LYAR: variants seen among roughly 807,000 people sequenced by gnomAD.
LYAR encodes cell growth-regulating nucleolar protein.
In LYAR, 37 loss-of-function variants were observed where a neutral mutation model predicts 45.2. That is an observed-to-expected ratio of 0.82 (90% CI 0.63 to 1.08). LYAR has a LOEUF of 1.08. Ranked by LOEUF, LYAR falls within the 50% of genes least tolerant of loss-of-function variation. The pLI is 0.00. For synonymous variants in LYAR, 176 were observed against 155.1 expected (o/e 1.14, Z -1.00); for missense variants, 493 against 451.0 (o/e 1.09, Z -0.84).
At chr4:4,272,989 G>A (rs1241405270) in intron 8 of LYAR, among the ~76,000 whole-genome samples, 5 of 152,150 alleles carry the variant, frequency 3.3e-5, no homozygotes, top group East Asian at 3.9e-4. Context: ...CAGAGGGCCC[G>A]TGAAGGCCAG....
At position 4,279,467 on chromosome 4, in the gene LYAR, A is replaced by C. The variant is rs146037788; in HGVS notation, c.409T>G (p.Phe137Val). The change falls in exon 6 of 10, where the codon TTT (phenylalanine) becomes GTT (valine). Residue 137 changes from phenylalanine to valine, a missense_variant. Phe to Val is a conservative substitution (Grantham distance 50). Coordinates refer to ENST00000343470, the MANE Select transcript of LYAR (RefSeq NM_017816.3). ...CTTACGCTGTTGGAAGCTTCAGAAA[A>C]GATATTCCACACCTGGTCCAGAATG... ...ESILDQVWNIFSEASNSEPVN... is the reference protein window; with the variant it reads ...ESILDQVWNIVSEASNSEPVN... 5.6e-6 allele frequency: 9 copies of C among 1,612,156 alleles called. No individual in the cohort carries two copies. The African/African-American group carries it at 9.3e-5, about 17-fold the overall frequency.
chr4:4,275,267 A>T (rs1719131517), intron 6 of LYAR, among the ~76,000 whole-genome samples: 1 of 152,250 alleles, frequency 6.6e-6, no homozygotes, highest in African/African-American at 2.4e-5. Flanking sequence ...CGGACGGATG[A>T]AACGAGGAAA....
intron 8 of LYAR, among the ~76,000 whole-genome samples, chr4:4,269,468 C>T (rs1026450597): frequency 3.9e-5 from 6 of 152,172 alleles, no homozygotes; most frequent in Non-Finnish European, 5.9e-5. Flanking sequence ...CACAGAAGGC[C>T]AAGCAGGAAT....
chr4:4,279,797 T>C, intron 4 of LYAR, 48 bp from the exon 5 acceptor site: 1 of 1,239,918 alleles, frequency 8.1e-7, no homozygotes, highest in East Asian at 2.3e-5. Flanking sequence ...ACAACCAACA[T>C]GAGTTTCATG....
In LYAR at chr4:4,278,514, C is replaced by T. The variant is rs915359660; in HGVS notation, c.429+933G>A. 7.2e-5 allele frequency among the ~76,000 whole-genome samples: 11 copies of T among 152,282 alleles called. No individual in the cohort carries two copies. The East Asian group carries it at 7.7e-4, about 11-fold the overall frequency. ...AATTCTCCTTCTACCAGAAGGAAGG[C>T]GCTTCAAGCACACTGCTCATCTACC... On this transcript the variant is annotated intron_variant, in intron 6 of 9. Coordinates refer to ENST00000343470, the MANE Select transcript of LYAR (RefSeq NM_017816.3).
chr4:4,270,026 C>T (rs1001622098), intron 8 of LYAR, among the ~76,000 whole-genome samples: 1 of 151,936 alleles, frequency 6.6e-6, no homozygotes, highest in African/African-American at 2.4e-5. Context: ...CAAGACAGGC[C>T]TGGGCAACAC....
At chr4:4,274,182 A>G (rs1481036319) in intron 7 of LYAR, among the ~76,000 whole-genome samples, 185 bp downstream of exon 7, 1 of 152,016 alleles carries the variant, frequency 6.6e-6, no homozygotes, top group Non-Finnish European at 1.5e-5. Context: ...GGTTGCAGTG[A>G]GCTGAGATCG....
chr4:4,284,258 T>C (rs778171845), intron 2 of LYAR, among the ~76,000 whole-genome samples: 15 of 152,326 alleles, frequency 9.8e-5, no homozygotes, highest in African/African-American at 3.6e-4. Flanking sequence ...ATGAAACTTA[T>C]AGAAGGCATT....
intron 8 of LYAR, among the ~76,000 whole-genome samples, chr4:4,272,950 A>G (rs1351388517): frequency 6.6e-6 from 1 of 152,128 alleles, no homozygotes; most frequent in Non-Finnish European, 1.5e-5. Context: ...AAGAAGCAGG[A>G]GAGAAGCTTT....
chr4:4,270,882 T>C (rs1304567147), intron 8 of LYAR, among the ~76,000 whole-genome samples: 2 of 152,204 alleles, frequency 1.3e-5, no homozygotes, highest in African/African-American at 4.8e-5. Flanking sequence ...TTTTTCCTTT[T>C]TAAATTTTTG....
rs1362589109 is a variant in LYAR at position 4,267,776 on chromosome 4, A to G, written c.*113T>C. The stretch of plus-strand genomic sequence containing the variant: ...CAAAAATATATTTTCTTAACTTAAA[A>G]ATACAGCTTCAAAAAGCAAAATTTG... On this transcript the variant is annotated 3_prime_UTR_variant, in exon 10 of 10. Transcript: ENST00000343470. 3 of 706,912 alleles carry G rather than the reference A, an allele frequency of 4.2e-6. No individual in the cohort carries two copies. The highest frequency in any genetic ancestry group is 4.2e-6 in the Non-Finnish European group (2 of 481,608). 43.8% of individuals were successfully genotyped at this position (706,912 alleles called of 1,614,324 possible).
rs2108841519 is a variant in LYAR at position 4,274,698 on chromosome 4, G to A, written c.501C>T (p.Thr167=). The change falls in exon 7 of 10, where the codon ACC becomes ACT. Residue 167 remains threonine (T), a synonymous_variant. Transcript: ENST00000343470. ...PVANPHAEIS[T]KVPASKVKDA... Reference sequence around the variant, plus strand: ...CTTTCACTTTGGAGGCTGGAACCTTGGTGGAGATTTCTGCATGTGGATTTG... The same window carrying A: ...CTTTCACTTTGGAGGCTGGAACCTTAGTGGAGATTTCTGCATGTGGATTTG... 6.2e-7 allele frequency: 1 copy of A among 1,613,936 alleles called. No individual in the cohort carries two copies. The highest frequency in any genetic ancestry group is 1.3e-5 in the African/African-American group (1 of 74,976).
At chr4:4,281,718 C>T in intron 4 of LYAR, 65 bp downstream of exon 4, 1 of 1,199,666 alleles carries the variant, frequency 8.3e-7, no homozygotes, top group Non-Finnish European at 1.2e-6. Context: ...CTCTTAGTCT[C>T]TTGGGCTTCC....
At chr4:4,285,971 T>G (rs1458804274) in intron 2 of LYAR, among the ~76,000 whole-genome samples, 1 of 152,228 alleles carries the variant, frequency 6.6e-6, no homozygotes, top group Non-Finnish European at 1.5e-5. Context: ...TACAGTGTAA[T>G]TAAATATCAA....
chr4:4,288,751 G>A (rs549241153), intron 1 of LYAR, among the ~76,000 whole-genome samples: 1 of 152,214 alleles, frequency 6.6e-6, no homozygotes, highest in South Asian at 2.1e-4. Flanking sequence ...CTCCCAAAGT[G>A]CTCGGATGAC....
chr4:4,274,260 C>CCA lies in LYAR; in HGVS notation c.832+105_832+106dup, dbSNP rs1352349721. ...TCAAAAAAAACAAAAAAAAAAAAAA[C>CCA]CACACACACACGCACACAAAACGCT... On this transcript the variant is annotated intron_variant, in intron 7 of 9. Coordinates refer to ENST00000343470, the MANE Select transcript of LYAR (RefSeq NM_017816.3). 56 of 1,214,304 alleles carry CCA rather than the reference C, an allele frequency of 4.6e-5. 1 individual carries two copies. Among genetic ancestry groups the CCA allele is most frequent in the East Asian group, 4.6e-4 (19 of 41,704 alleles). 75.2% of individuals were successfully genotyped at this position (1,214,304 alleles called of 1,614,324 possible). A position where few individuals can be genotyped will look rare whatever the true frequency, so the allele number is the denominator to read the frequency against.
At chr4:4,277,858 C>T (rs981175645) in intron 6 of LYAR, among the ~76,000 whole-genome samples, 7 of 152,140 alleles carry the variant, frequency 4.6e-5, no homozygotes, top group Non-Finnish European at 8.8e-5. Context: ...AACCAAGGTA[C>T]GGAGGACAAG....
At chr4:4,271,388 C>G (rs1402351269) in intron 8 of LYAR, among the ~76,000 whole-genome samples, 2 of 152,204 alleles carry the variant, frequency 1.3e-5, no homozygotes, top group Non-Finnish European at 1.5e-5. Context: ...TGTGTACATG[C>G]ACCACATTTT....
chr4:4,283,429 C>T (rs935827911), intron 3 of LYAR, among the ~76,000 whole-genome samples, 192 bp downstream of exon 3: 2 of 152,290 alleles, frequency 1.3e-5, no homozygotes, highest in Non-Finnish European at 2.9e-5. Context: ...GATTACAGGC[C>T]TGAGCCACTG....
Sources: allele counts gnomAD v4.1 joint callset (sites outside exome capture counted in the v4.1 genomes callset), GRCh38; gene constraint gnomAD v4.1.1; transcripts MANE v1.5; gene names NCBI Gene and HGNC (gene_info 2026-07-23, HGNC 2026-07-21).